Variants in DCP2 observed in about 807,000 individuals in gnomAD.
The protein encoded by DCP2 is decapping mRNA 2.
In DCP2, 30 loss-of-function variants were observed where a neutral mutation model predicts 56.1. The observed-to-expected ratio is 0.53, with a 90% CI of 0.40 to 0.73. The LOEUF is 0.73. DCP2 is among the 30% of genes least tolerant of loss of function. DCP2 has a pLI of 0.00. For synonymous variants in DCP2, 197 were observed against 163.3 expected, an observed-to-expected ratio of 1.21 and a Z score of -1.57; for missense variants, 533 against 502.7, an observed-to-expected ratio of 1.06 and a Z score of -0.58.
intron 4 of DCP2, among the ~76,000 whole-genome samples, chr5:113,000,399 T>TACACACACACACAC (rs758225763): frequency 8.1e-6 from 1 of 123,592 alleles, no homozygotes; most frequent in African/African-American, 3.0e-5. Context: ...ACTTGTCTAA[T>TACACACACACACAC]ACACACACAC....
At position 113,013,554 on chromosome 5, in the gene DCP2, C is replaced by T. The variant is rs1749767280; in HGVS notation, c.*70C>T. On this transcript the variant is annotated 3_prime_UTR_variant, in exon 11 of 11. Transcript: ENST00000389063. Reference sequence around the variant, plus strand: ...GAATTTGAGTGGGTGTCTCCTCAAGCCTTACCTTTCTCAGGTGTTTTAAAG... The same window carrying T: ...GAATTTGAGTGGGTGTCTCCTCAAGTCTTACCTTTCTCAGGTGTTTTAAAG... 2.6e-6 allele frequency: 4 copies of T among 1,540,338 alleles called. No homozygotes were observed. The highest frequency in any genetic ancestry group is 3.5e-6 in the Non-Finnish European group (4 of 1,132,380).
intron 4 of DCP2, among the ~76,000 whole-genome samples, chr5:112,993,725 AG>A (rs2150177582): frequency 6.6e-6 from 1 of 150,952 alleles, no homozygotes; most frequent in South Asian, 2.1e-4. Flanking sequence ...GCTCCTATCT[AG>A]ATATGTTTCT....
chr5:113,010,575 G>A (rs1237268487), intron 9 of DCP2, among the ~76,000 whole-genome samples, 181 bp from the exon 10 acceptor site: 2 of 152,010 alleles, frequency 1.3e-5, no homozygotes, highest in African/African-American at 2.4e-5. Context: ...AAAAATTTTA[G>A]GTGTGAAAAG....
intron 4 of DCP2, among the ~76,000 whole-genome samples, chr5:112,997,937 T>A (rs1009267410): frequency 6.6e-6 from 1 of 151,910 alleles, no homozygotes; most frequent in Non-Finnish European, 1.5e-5. Flanking sequence ...TTAAAAAAAA[T>A]TTTATTTGTG....
At chr5:112,981,678 C>T (rs1016970693) in intron 1 of DCP2, among the ~76,000 whole-genome samples, 1 of 152,188 alleles carries the variant, frequency 6.6e-6, no homozygotes, top group East Asian at 1.9e-4. Context: ...GTTCTTATAT[C>T]CTACAAATTG....
intron 2 of DCP2, among the ~76,000 whole-genome samples, chr5:112,987,112 A>C (rs567070313): frequency 6.6e-6 from 1 of 152,364 alleles, no homozygotes; most frequent in African/African-American, 2.4e-5. Flanking sequence ...TGAATATTTA[A>C]CATTATAAAA....
intron 4 of DCP2, among the ~76,000 whole-genome samples, chr5:112,995,512 G>C (rs1433355804): frequency 6.6e-6 from 1 of 152,180 alleles, no homozygotes; most frequent in Non-Finnish European, 1.5e-5. Flanking sequence ...TATTACATTG[G>C]TTGGAATAAC....
intron 4 of DCP2, among the ~76,000 whole-genome samples, chr5:113,000,061 CAAAAA>C (rs60251393): frequency 5.6e-5 from 5 of 89,930 alleles, no homozygotes; most frequent in Admixed American, 1.3e-4. Flanking sequence ...AACTCCATCT[CAAAAA>C]AAAAAAAAAA....
chr5:113,017,944 T>G lies in DCP2; in HGVS notation c.*4460T>G, dbSNP rs1411926901. ...AGCAATCCAGTGAATCTAAAGTAATTTTTCTCACTTTAAAGACCAGTGATG... is the reference window on the plus strand; with the variant it reads ...AGCAATCCAGTGAATCTAAAGTAATGTTTCTCACTTTAAAGACCAGTGATG... On this transcript the variant is annotated 3_prime_UTR_variant, in exon 11 of 11. Transcript: ENST00000389063. The G allele has an allele frequency of 1.3e-5, 2 of 152,170 alleles. No homozygotes were observed. Among genetic ancestry groups the G allele is most frequent in the Admixed American group, 6.5e-5 (1 of 15,280 alleles). The allele number at this position is 152,170 out of a possible 1,614,324, so 9.4% of individuals were successfully genotyped here. A position where few individuals can be genotyped will look rare whatever the true frequency, so the allele number is the denominator to read the frequency against.
At chr5:112,988,319 A>T (rs984568475) in intron 2 of DCP2, among the ~76,000 whole-genome samples, 7 of 30,750 alleles carry the variant, frequency 2.3e-4, no homozygotes, top group African/African-American at 5.0e-4. Flanking sequence ...CGTCTCTACT[A>T]AAAAAAAAAA....
At position 113,010,646 on chromosome 5, in the gene DCP2, G is replaced by T. The variant is rs1445158651; in HGVS notation, c.1048-110G>T. ...GGATGATGATTATATTCCTGGTTCA[G>T]TTTTTCTTCCTGAGAAATTTGATAA... On this transcript the variant is annotated intron_variant, in intron 9 of 10. Coordinates refer to ENST00000389063, the MANE Select transcript of DCP2 (RefSeq NM_152624.6). 4.1e-6 allele frequency: 5 copies of T among 1,229,310 alleles called. No individual in the cohort carries two copies. In the African/African-American group the frequency reaches 7.8e-5, roughly 19 times the overall value. The allele number at this position is 1,229,310 out of a possible 1,614,324, so 76.2% of individuals were successfully genotyped here. A position where few individuals can be genotyped will look rare whatever the true frequency, so the allele number is the denominator to read the frequency against.
Position 113,004,814 on chromosome 5 carries a change from T to A in DCP2, c.942+737T>A, listed in dbSNP as rs542989063. Among the ~76,000 whole-genome samples the A allele has an allele frequency of 4.7e-4, 72 of 152,234 alleles. No homozygotes were observed. The East Asian group carries it at 0.012, about 26-fold the overall frequency. On this transcript the variant is annotated intron_variant, in intron 8 of 10. Coordinates refer to ENST00000389063, the MANE Select transcript of DCP2 (RefSeq NM_152624.6). ...ATTTCAGGTTTCAATGTTACTTTTTTTTTTTTTTTATTTTAAAAATATACT... is the reference window on the plus strand; with the variant it reads ...ATTTCAGGTTTCAATGTTACTTTTTATTTTTTTTTATTTTAAAAATATACT...
chr5:113,008,105 T>C, intron 9 of DCP2, 63 bp downstream of exon 9: 1 of 1,326,510 alleles, frequency 7.5e-7, no homozygotes, highest in Non-Finnish European at 1.1e-6. Flanking sequence ...AACAAGGGCA[T>C]TGCCAAAGCA....
intron 9 of DCP2, among the ~76,000 whole-genome samples, chr5:113,009,448 G>A (rs903118916): frequency 2.6e-5 from 4 of 152,182 alleles, no homozygotes; most frequent in Non-Finnish European, 5.9e-5. Flanking sequence ...ACATTTCTCC[G>A]ATCAGATTGG....
intron 3 of DCP2, 126 bp downstream of exon 3, chr5:112,992,374 G>C: frequency 8.0e-7 from 1 of 1,243,038 alleles, no homozygotes; most frequent in Non-Finnish European, 1.1e-6. Flanking sequence ...GTGCTAAAAG[G>C]CCAAGCTTTG....
chr5:113,015,100 C>T lies in DCP2; in HGVS notation c.*1616C>T, dbSNP rs770295790. On this transcript the variant is annotated 3_prime_UTR_variant, in exon 11 of 11. Coordinates refer to ENST00000389063, the MANE Select transcript of DCP2 (RefSeq NM_152624.6). ...CAGAATCCTGCATCTTTTAATGTGA[C>T]AAATTTTTGAATCCTGTGACTTTTG... The T allele has an allele frequency of 8.5e-5, 13 of 152,564 alleles. No homozygotes were observed. Among genetic ancestry groups the T allele is most frequent in the Non-Finnish European group, 1.6e-4 (11 of 68,016 alleles). 9.5% of individuals were successfully genotyped at this position (152,564 alleles called of 1,614,324 possible).
chr5:113,008,059 T>C lies in DCP2; in HGVS notation c.1047+17T>C. On this transcript the variant is annotated intron_variant, in intron 9 of 10. Coordinates refer to ENST00000389063, the MANE Select transcript of DCP2 (RefSeq NM_152624.6). The stretch of plus-strand genomic sequence containing the variant: ...TCTTTGATGGTAAGAGTTATAGCTG[T>C]CACACTAAGTAGGCAGTTCATCCTC... 6.3e-7 allele frequency: 1 copy of C among 1,596,962 alleles called. No homozygotes were observed. The highest frequency in any genetic ancestry group is 8.6e-7 in the Non-Finnish European group (1 of 1,165,562).
At chr5:113,013,176 T>G in intron 10 of DCP2, 145 bp from the exon 11 acceptor site, 1 of 683,280 alleles carries the variant, frequency 1.5e-6, no homozygotes, top group Non-Finnish European at 2.2e-6. Context: ...GGAAAATACA[T>G]ATTTTGGTGG....
At chr5:113,003,807 A>G in intron 7 of DCP2, 135 bp from the exon 8 acceptor site, 2 of 1,006,330 alleles carry the variant, frequency 2.0e-6, no homozygotes, top group Non-Finnish European at 3.0e-6. Context: ...CTCTGCTCTC[A>G]TAGAACTTAC....
Sources: allele counts gnomAD v4.1 joint callset (sites outside exome capture counted in the v4.1 genomes callset), GRCh38; gene constraint gnomAD v4.1.1; transcripts MANE v1.5; gene names NCBI Gene and HGNC (gene_info 2026-07-23, HGNC 2026-07-21).